Variants in SLF1 observed in about 807,000 individuals in gnomAD.
SLF1 encodes SMC5/6 complex localization factor 1.
A neutral mutation model predicts 123.0 loss-of-function variants in SLF1; 105 were observed. That is an observed-to-expected ratio of 0.85 (90% CI 0.73 to 1.00). SLF1 has a LOEUF of 1.00. Ranked by LOEUF, SLF1 falls within the 50% of genes least tolerant of loss-of-function variation. The pLI, the probability that SLF1 is intolerant of heterozygous loss-of-function variation, is 0.00. For synonymous variants in SLF1, 434 were observed against 406.6 expected (o/e 1.07, Z -0.81); for missense variants, 1,239 against 1,223.0 (o/e 1.01, Z -0.20).
chr5:94,686,577 T>C lies in SLF1; in HGVS notation c.1980T>C (p.Phe660=). 1 of 1,613,798 alleles carries C rather than the reference T, an allele frequency of 6.2e-7. No homozygotes were observed. Among genetic ancestry groups the C allele is most frequent in the Non-Finnish European group, 8.5e-7 (1 of 1,179,772 alleles). The change falls in exon 16 of 21, where the codon TTT becomes TTC. Residue 660 remains phenylalanine (F), a synonymous_variant. Coordinates refer to ENST00000265140, the MANE Select transcript of SLF1 (RefSeq NM_032290.4). Reference sequence around the variant, plus strand: ...AACTTACCTTATGTTCTCCAGACTTTTCTTCACAGGAATTAGAGATTTTCA... The same window carrying C: ...AACTTACCTTATGTTCTCCAGACTTCTCTTCACAGGAATTAGAGATTTTCA... The part of the protein sequence containing the change: ...GSYVSLSCDD[F]SSQELEIFIC...
At chr5:94,638,629 T>C (rs2152471137) in intron 4 of SLF1, among the ~76,000 whole-genome samples, 1 of 152,336 alleles carries the variant, frequency 6.6e-6, no homozygotes, top group East Asian at 1.9e-4. Context: ...TTGCCCACAA[T>C]AGTAACCGTG....
Position 94,654,505 on chromosome 5 carries a change from T to A in SLF1, c.1033-125T>A, listed in dbSNP as rs1748144858. The A allele has an allele frequency of 1.6e-5, 9 of 563,844 alleles. No individual in the cohort carries two copies. The South Asian group carries it at 3.4e-4, about 22-fold the overall frequency. The allele number at this position is 563,844 out of a possible 1,614,324, so 34.9% of individuals were successfully genotyped here. A position where few individuals can be genotyped will look rare whatever the true frequency, so the allele number is the denominator to read the frequency against. On this transcript the variant is annotated intron_variant, in intron 8 of 20. Transcript: ENST00000265140. ...ATTGTGTAATCTTGATATATGATTGTGAGGATCTTTGCTGTGGTTAACATG... is the reference window on the plus strand; with the variant it reads ...ATTGTGTAATCTTGATATATGATTGAGAGGATCTTTGCTGTGGTTAACATG...
intron 14 of SLF1, among the ~76,000 whole-genome samples, chr5:94,672,377 A>G (rs1246252871): frequency 1.3e-5 from 2 of 152,142 alleles, no homozygotes; most frequent in East Asian, 3.9e-4. Flanking sequence ...TTAAATTACC[A>G]TTAAACTTAC....
rs186640952 is a variant in SLF1, at chr5:94,630,827, A to G, written c.431+84A>G. 3,191 of 1,427,696 alleles carry G rather than the reference A, an allele frequency of 2.2e-3. 7 individuals are homozygous for G. The highest frequency in any genetic ancestry group is 2.8e-3 in the Non-Finnish European group (3,023 of 1,067,214). 88.4% of individuals were successfully genotyped at this position (1,427,696 alleles called of 1,614,324 possible). The stretch of plus-strand genomic sequence containing the variant: ...TGAGTACTTTCTGTATTTTTTTGCA[A>G]TTATTAGCCCAAATGAGCCATGGTG... On this transcript the variant is annotated intron_variant, in intron 4 of 20. Transcript: ENST00000265140.
intron 7 of SLF1, among the ~76,000 whole-genome samples, 157 bp downstream of exon 7, chr5:94,652,002 ATTTTCTT>A (rs1489881290): frequency 1.5e-3 from 195 of 126,594 alleles, no homozygotes; most frequent in Admixed American, 4.9e-3. Context: ...CTGCTGTATT[ATTTTCTT>A]TTTTCTTTTT....
In SLF1 at chr5:94,694,961, A is replaced by G. The variant is rs1272975526; in HGVS notation, c.2826A>G (p.Gln942=). The change falls in exon 21 of 21, where the codon CAA becomes CAG. Residue 942 remains glutamine (Q), a synonymous_variant. Coordinates refer to ENST00000265140, the MANE Select transcript of SLF1 (RefSeq NM_032290.4). Reference sequence around the variant, plus strand: ...ATACAGTGGAGAACTTTCATGCACAAGCAGAGAAACATTTTCATTACCAGC... The same window carrying G: ...ATACAGTGGAGAACTTTCATGCACAGGCAGAGAAACATTTTCATTACCAGC... ...IEDTVENFHA[Q]AEKHFHYQQL... 1 of 1,612,604 alleles carries G rather than the reference A, an allele frequency of 6.2e-7. No individual in the cohort carries two copies.
chr5:94,670,702 CTTTA>C (rs1331702078), intron 13 of SLF1, 137 bp from the exon 14 acceptor site: 7 of 631,624 alleles, frequency 1.1e-5, no homozygotes, highest in Non-Finnish European at 2.7e-6. Flanking sequence ...ATATTTTGTC[CTTTA>C]TTATAATTGT....
intron 4 of SLF1, among the ~76,000 whole-genome samples, chr5:94,632,287 GT>G (rs1745296465): frequency 6.6e-6 from 1 of 152,066 alleles, no homozygotes; most frequent in Non-Finnish European, 1.5e-5. Flanking sequence ...CACTGTTTTG[GT>G]TACTGTGTCT....
At chr5:94,635,337 C>CTTTTTTTTTTTTTTTT (rs34524874) in intron 4 of SLF1, among the ~76,000 whole-genome samples, 4 of 43,904 alleles carry the variant, frequency 9.1e-5, no homozygotes, top group Admixed American at 2.9e-4. Context: ...ACATACTCGG[C>CTTTTTTTTTTTTTTTT]TTTTTTTTTT....
At chr5:94,687,200 C>A (rs200692653) in intron 16 of SLF1, among the ~76,000 whole-genome samples, 22,271 of 152,144 alleles carry the variant, frequency 0.15, 1,813 homozygotes, top group East Asian at 0.32. Flanking sequence ...AGCGGCCGTG[C>A]TGAGTGCCTG....
At position 94,685,783 on chromosome 5, in the gene SLF1, C is replaced by T. The variant is rs1477207507; in HGVS notation, c.1976-790C>T. Among the ~76,000 whole-genome samples, 7 of 150,804 alleles carry T rather than the reference C, an allele frequency of 4.6e-5. No individual in the cohort carries two copies. The South Asian group carries it at 8.4e-4, about 18-fold the overall frequency. On this transcript the variant is annotated intron_variant, in intron 15 of 20. Transcript: ENST00000265140. ...CTGGGAGGCGGAGGTTGCAGTGAGC[C>T]GAGATCGCACCACTGCACTCCAGCC... is the stretch of plus-strand genomic sequence containing the variant.
At chr5:94,671,548 TAATA>T (rs1370752024) in intron 14 of SLF1, among the ~76,000 whole-genome samples, 1 of 151,890 alleles carries the variant, frequency 6.6e-6, no homozygotes, top group South Asian at 2.1e-4. Flanking sequence ...TTTGGTTGCA[TAATA>T]AATATTAGTC....
chr5:94,671,945 T>C (rs1750510407), intron 14 of SLF1, among the ~76,000 whole-genome samples: 1 of 152,214 alleles, frequency 6.6e-6, no homozygotes, highest in Non-Finnish European at 1.5e-5. Flanking sequence ...AATAGTGAAT[T>C]ATAGTGAAAG....
rs1227147855 is a variant in SLF1, at chr5:94,695,158, T to G, written c.3023T>G (p.Leu1008Arg). 6.2e-7 allele frequency: 1 copy of G among 1,612,862 alleles called. No homozygotes were observed. The highest frequency in any genetic ancestry group is 8.5e-7 in the Non-Finnish European group (1 of 1,179,160). The change falls in exon 21 of 21, where the codon CTG (leucine) becomes CGG (arginine). Residue 1008 changes from leucine to arginine, a missense_variant. Transcript: ENST00000265140. ...ACCAGTGTTCATACTGACTGGTTAC[T>G]GGATCTTTATGCTGGAAATATAAAG... ...ETTSVHTDWLLDLYAGNIKTL... is the reference protein window; with the variant it reads ...ETTSVHTDWLRDLYAGNIKTL...
At chr5:94,640,411 C>T (rs969927041) in intron 4 of SLF1, among the ~76,000 whole-genome samples, 1 of 151,844 alleles carries the variant, frequency 6.6e-6, no homozygotes, top group Admixed American at 6.6e-5. Context: ...TCAAGATTTT[C>T]TCCTAGCCAT....
intron 7 of SLF1, 84 bp from the exon 8 acceptor site, chr5:94,653,188 T>C: frequency 7.8e-7 from 1 of 1,285,560 alleles, no homozygotes; most frequent in Non-Finnish European, 1.1e-6. Context: ...TGTATGAAAG[T>C]ATGAAAGTCA....
At chr5:94,674,745 T>C (rs1750853353) in intron 14 of SLF1, among the ~76,000 whole-genome samples, 1 of 152,226 alleles carries the variant, frequency 6.6e-6, no homozygotes. Context: ...AATTTCATTG[T>C]CATTAATCTG....
At chr5:94,658,426 G>A (rs1748686892) in intron 9 of SLF1, among the ~76,000 whole-genome samples, 2 of 122,972 alleles carry the variant, frequency 1.6e-5, no homozygotes, top group African/African-American at 6.1e-5. Flanking sequence ...TGTTGAGTTG[G>A]GTTTGTTGTT....
intron 15 of SLF1, 112 bp downstream of exon 15, chr5:94,679,067 A>G (rs1751450953): frequency 8.4e-7 from 1 of 1,184,444 alleles, no homozygotes; most frequent in Non-Finnish European, 1.2e-6. Flanking sequence ...TTTCCTTAAA[A>G]TAGTTATGGA....
Sources: gnomAD v4.1 joint callset for allele counts (sites outside exome capture counted in the v4.1 genomes callset) on GRCh38, gnomAD v4.1.1 for gene constraint, MANE v1.5 for transcripts, NCBI Gene and HGNC (gene_info 2026-07-23, HGNC 2026-07-21) for gene names.